ANO6: variants seen among roughly 807,000 people sequenced by gnomAD.
The protein encoded by ANO6 is anoctamin 6, also known as anoctamin-6.
ANO6 carries 106 observed loss-of-function variants against 117.5 expected under a neutral mutation model. The ratio of observed to expected loss-of-function variants is 0.90; its 90% confidence interval spans 0.77 to 1.06. ANO6 has a LOEUF of 1.06. ANO6 is among the 50% of genes least tolerant of loss of function. The pLI is 0.00. For missense variants in ANO6, 955 were observed against 1,121.1 expected (o/e 0.85, Z 2.12); for synonymous variants, 367 against 385.1 (o/e 0.95, Z 0.55).
intron 9 of ANO6, among the ~76,000 whole-genome samples, chr12:45,372,818 A>G (rs540538919): frequency 6.6e-6 from 1 of 152,338 alleles, no homozygotes; most frequent in South Asian, 2.1e-4. Flanking sequence ...GAGCAAAATC[A>G]CCAGCTAACA....
At chr12:45,293,742 T>TG (rs1452772662) in intron 1 of ANO6, among the ~76,000 whole-genome samples, 5 of 137,856 alleles carry the variant, frequency 3.6e-5, no homozygotes, top group East Asian at 2.0e-4. Context: ...TTTTTTTTTT[T>TG]TTTTTTTTTT....
chr12:45,230,752 T>TTAAA (rs1947562130), intron 1 of ANO6, among the ~76,000 whole-genome samples: 1 of 152,156 alleles, frequency 6.6e-6, no homozygotes, highest in African/African-American at 2.4e-5. Flanking sequence ...TAAAGTGTCT[T>TTAAA]GTATTAAGGT....
intron 2 of ANO6, among the ~76,000 whole-genome samples, chr12:45,318,106 G>GTGCTTC (rs1940117204): frequency 6.6e-6 from 1 of 152,138 alleles, no homozygotes; most frequent in Non-Finnish European, 1.5e-5. Flanking sequence ...TTCTTTTGCT[G>GTGCTTC]TGCAGAAGCT....
At chr12:45,242,498 A>G (rs534937430) in intron 1 of ANO6, among the ~76,000 whole-genome samples, 52 of 152,332 alleles carry the variant, frequency 3.4e-4, no homozygotes, top group African/African-American at 1.1e-3. Flanking sequence ...CTCGACTAGG[A>G]AAGGGAAATC....
chr12:45,417,203 C>T (rs796368883), intron 17 of ANO6, among the ~76,000 whole-genome samples: 4 of 152,142 alleles, frequency 2.6e-5, no homozygotes, highest in African/African-American at 9.7e-5. Context: ...CCTCACATAA[C>T]TATAAAAGGA....
At position 45,350,639 on chromosome 12, in the gene ANO6, T is replaced by C; in HGVS notation, c.748-20T>C. ...AAACACGATGATTATGGTGCTTACA[T>C]GTTCCCTTCTGCGTCACAGTGCAAA... On this transcript the variant is annotated intron_variant, in intron 6 of 19. Coordinates refer to ENST00000320560, the MANE Select transcript of ANO6 (RefSeq NM_001025356.3). 6.3e-7 allele frequency: 1 copy of C among 1,581,130 alleles called. No homozygotes were observed. Among genetic ancestry groups the C allele is most frequent in the Middle Eastern group, 1.7e-4 (1 of 5,998 alleles).
At chr12:45,235,611 CT>C (rs1419378297) in intron 1 of ANO6, among the ~76,000 whole-genome samples, 1 of 152,178 alleles carries the variant, frequency 6.6e-6, no homozygotes, top group Non-Finnish European at 1.5e-5. Flanking sequence ...GGTATGCCGC[CT>C]TTTAACTCCA....
At chr12:45,224,905 A>G (rs2137126020) in intron 1 of ANO6, among the ~76,000 whole-genome samples, 1 of 152,330 alleles carries the variant, frequency 6.6e-6, no homozygotes, top group Middle Eastern at 3.4e-3. Flanking sequence ...TACCGGAAAT[A>G]AAGGGCCGGA....
chr12:45,284,512 C>T (rs1938844860), intron 1 of ANO6, among the ~76,000 whole-genome samples: 2 of 152,202 alleles, frequency 1.3e-5, no homozygotes. Flanking sequence ...AAGGCTGCTG[C>T]TAAGGCCTTT....
chr12:45,250,255 A>G (rs10459293), intron 1 of ANO6, among the ~76,000 whole-genome samples: 8,734 of 152,328 alleles, frequency 0.057, 488 homozygotes, highest in East Asian at 0.3. Context: ...TGAGGCTAAT[A>G]CTAATGTCTG....
At chr12:45,224,776 T>C (rs1274309982) in intron 1 of ANO6, among the ~76,000 whole-genome samples, 1 of 152,206 alleles carries the variant, frequency 6.6e-6, no homozygotes. Flanking sequence ...GCTCTACATT[T>C]ATTATTTTTT....
intron 1 of ANO6, among the ~76,000 whole-genome samples, chr12:45,219,187 C>A (rs568554471): frequency 2.0e-5 from 3 of 151,230 alleles, no homozygotes; most frequent in African/African-American, 4.8e-5. Context: ...CCCCTCCCCC[C>A]AAAAAAAAAC....
chr12:45,359,974 G>A (rs1054653189), intron 8 of ANO6, among the ~76,000 whole-genome samples: 8 of 152,194 alleles, frequency 5.3e-5, no homozygotes, highest in Non-Finnish European at 1.0e-4. Flanking sequence ...GGTATGAAGT[G>A]GTATGTCATT....
intron 9 of ANO6, among the ~76,000 whole-genome samples, chr12:45,374,542 G>C (rs1941947520): frequency 1.1e-5 from 1 of 91,880 alleles, no homozygotes; most frequent in South Asian, 4.8e-4. Flanking sequence ...TGCAAGGCTG[G>C]TTCAATATAC....
intron 3 of ANO6, among the ~76,000 whole-genome samples, chr12:45,336,568 A>G (rs1940830775): frequency 6.6e-6 from 1 of 152,040 alleles, no homozygotes; most frequent in South Asian, 2.1e-4. Context: ...TGGTAGTGCA[A>G]TGCATTACTC....
chr12:45,387,500 T>G (rs1223974627), intron 10 of ANO6, among the ~76,000 whole-genome samples: 1 of 152,146 alleles, frequency 6.6e-6, no homozygotes, highest in Non-Finnish European at 1.5e-5. Flanking sequence ...TATTTGTGTT[T>G]TAGTTGGCAA....
At chr12:45,234,730 C>T (rs375756884) in intron 1 of ANO6, among the ~76,000 whole-genome samples, 2 of 151,442 alleles carry the variant, frequency 1.3e-5, no homozygotes, top group African/African-American at 4.9e-5. Flanking sequence ...CCCCCACCCC[C>T]ACCCCTGGGC....
intron 2 of ANO6, among the ~76,000 whole-genome samples, chr12:45,322,996 G>A (rs918738551): frequency 2.6e-5 from 4 of 152,146 alleles, no homozygotes; most frequent in South Asian, 4.2e-4. Context: ...TTAAGATCAC[G>A]ACAACTACAA....
chr12:45,373,651 C>A (rs1941914649), intron 9 of ANO6, among the ~76,000 whole-genome samples: 2 of 152,170 alleles, frequency 1.3e-5, no homozygotes, highest in African/African-American at 4.8e-5. Context: ...TAAAGATGTT[C>A]TTTGAAACCA....
Sources: gnomAD v4.1 joint callset for allele counts (sites outside exome capture counted in the v4.1 genomes callset) on GRCh38, gnomAD v4.1.1 for gene constraint, MANE v1.5 for transcripts, NCBI Gene and HGNC (gene_info 2026-07-23, HGNC 2026-07-21) for gene names.